ADARB2: variants seen among roughly 807,000 people sequenced by gnomAD.
ADARB2 encodes the protein adenosine deaminase RNA specific B2 (inactive), also known as inactive double-stranded RNA-specific editase B2.
Under a neutral mutation model 62.2 loss-of-function variants are expected in ADARB2, and 25 were observed. That is an observed-to-expected ratio of 0.40 (90% CI 0.29 to 0.56). The LOEUF (loss-of-function observed/expected upper bound fraction) is 0.56, where lower values mean the gene tolerates loss of function less well. ADARB2 is among the 20% of genes least tolerant of loss of function. The probability of loss-of-function intolerance (pLI) is 0.43; values close to 1 mark genes in which losing one functional copy is unlikely to be tolerated. For synonymous variants in ADARB2, 572 were observed against 500.8 expected (o/e 1.14, Z -1.90); for missense variants, 1,071 against 1,077.4 (o/e 0.99, Z 0.08).
chr10:1,428,550 G>A (rs1415767938), intron 1 of ADARB2, among the ~76,000 whole-genome samples: 1 of 151,746 alleles, frequency 6.6e-6, no homozygotes, highest in Non-Finnish European at 1.5e-5. Context: ...GCCTCCTAAA[G>A]TGCTGGGATT....
chr10:1,566,063 C>CAAAAAAAAAAAAAAAAAAAAAAA, intron 1 of ADARB2, among the ~76,000 whole-genome samples: 1 of 128,042 alleles, frequency 7.8e-6, no homozygotes, highest in African/African-American at 3.0e-5. Context: ...CTCAGTCTAG[C>CAAAAAAAAAAAAAAAAAAAAAAA]AAAAAAAAAA....
intron 3 of ADARB2, among the ~76,000 whole-genome samples, chr10:1,273,228 A>C (rs1831280844): frequency 6.6e-6 from 1 of 152,090 alleles, no homozygotes; most frequent in Admixed American, 6.5e-5. Flanking sequence ...TTACTCTTTC[A>C]ATGCATGCTG....
intron 1 of ADARB2, among the ~76,000 whole-genome samples, chr10:1,708,513 GACA>G (rs914151108): frequency 6.6e-5 from 10 of 152,200 alleles, no homozygotes; most frequent in African/African-American, 2.4e-4. Flanking sequence ...TGTGCTGGCA[GACA>G]ACAAGACACA....
intron 1 of ADARB2, among the ~76,000 whole-genome samples, chr10:1,442,541 T>C (rs1830919058): frequency 6.6e-6 from 1 of 152,296 alleles, no homozygotes; most frequent in African/African-American, 2.4e-5. Context: ...TAATAGCTAC[T>C]CTCTCAGTTC....
At chr10:1,357,625 C>T (rs571755491) in intron 3 of ADARB2, among the ~76,000 whole-genome samples, 36 of 152,324 alleles carry the variant, frequency 2.4e-4, no homozygotes, top group African/African-American at 8.4e-4. Flanking sequence ...AATGTCTTCC[C>T]TTAATCTAGA....
intron 7 of ADARB2, among the ~76,000 whole-genome samples, chr10:1,215,262 A>T (rs1382278797): frequency 1.3e-5 from 2 of 152,242 alleles, no homozygotes; most frequent in Admixed American, 6.5e-5. Context: ...TGCCTGCCCC[A>T]TGGGCATCTG....
chr10:1,639,799 G>A (rs1404522731), intron 1 of ADARB2, among the ~76,000 whole-genome samples: 1 of 152,180 alleles, frequency 6.6e-6, no homozygotes, highest in Non-Finnish European at 1.5e-5. Flanking sequence ...CGGAGATCAT[G>A]CCACTGCACT....
chr10:1,689,976 G>C (rs570320533), intron 1 of ADARB2, among the ~76,000 whole-genome samples: 1 of 152,018 alleles, frequency 6.6e-6, no homozygotes, highest in Non-Finnish European at 1.5e-5. Flanking sequence ...GAAATGTGGG[G>C]TTTTTTTGTT....
intron 6 of ADARB2, among the ~76,000 whole-genome samples, chr10:1,228,696 C>T (rs1455044627): frequency 3.3e-5 from 5 of 152,210 alleles, no homozygotes; most frequent in Non-Finnish European, 5.9e-5. Context: ...ACTGAGTCTG[C>T]GGTCTCTGTC....
intron 1 of ADARB2, among the ~76,000 whole-genome samples, chr10:1,696,150 G>GTGTA (rs10661822): frequency 0.79 from 119,838 of 152,060 alleles, 47,330 homozygotes; most frequent in Admixed American, 0.84. Context: ...TGTATATTGT[G>GTGTA]TGTATGTGTT....
chr10:1,200,366 C>T, intron 7 of ADARB2: 1 of 611,658 alleles, frequency 1.6e-6, no homozygotes, highest in Non-Finnish European at 3.0e-6. Flanking sequence ...TGTGTGCTAA[C>T]AAATGCTGCT....
chr10:1,494,225 A>C (rs558119404), intron 1 of ADARB2, among the ~76,000 whole-genome samples: 1 of 152,294 alleles, frequency 6.6e-6, no homozygotes, highest in Non-Finnish European at 1.5e-5. Flanking sequence ...TTCTCCTATA[A>C]ATAGACTTTA....
At chr10:1,558,748 C>A in intron 1 of ADARB2, among the ~76,000 whole-genome samples, 1 of 149,914 alleles carries the variant, frequency 6.7e-6, no homozygotes, top group Non-Finnish European at 1.5e-5. Flanking sequence ...AAACTCGAAT[C>A]CCACCTCCGC....
At chr10:1,633,838 C>T (rs1025787568) in intron 1 of ADARB2, among the ~76,000 whole-genome samples, 5 of 152,144 alleles carry the variant, frequency 3.3e-5, no homozygotes, top group African/African-American at 9.7e-5. Context: ...TCCAGGCCCC[C>T]GACTCTGACC....
At chr10:1,210,501 C>A (rs1166661353) in intron 7 of ADARB2, among the ~76,000 whole-genome samples, 1 of 152,206 alleles carries the variant, frequency 6.6e-6, no homozygotes, top group Admixed American at 6.5e-5. Context: ...GAGCAGCACA[C>A]ATACCTCTGG....
At chr10:1,519,895 T>A (rs1832052667) in intron 1 of ADARB2, among the ~76,000 whole-genome samples, 1 of 152,172 alleles carries the variant, frequency 6.6e-6, no homozygotes, top group African/African-American at 2.4e-5. Context: ...CATAGAGTAT[T>A]CAAATAATTG....
At chr10:1,505,988 G>A (rs1004997432) in intron 1 of ADARB2, among the ~76,000 whole-genome samples, 3 of 151,960 alleles carry the variant, frequency 2.0e-5, no homozygotes, top group Admixed American at 1.3e-4. Flanking sequence ...TCATCTAATC[G>A]TTTCTGGTTG....
At chr10:1,498,893 C>T (rs139520651) in intron 1 of ADARB2, among the ~76,000 whole-genome samples, 137 of 152,058 alleles carry the variant, frequency 9.0e-4, no homozygotes, top group African/African-American at 3.2e-3. Context: ...TCATTCATCA[C>T]TCAACACTCA....
At chr10:1,305,422 C>T (rs1334376729) in intron 3 of ADARB2, among the ~76,000 whole-genome samples, 1 of 151,234 alleles carries the variant, frequency 6.6e-6, no homozygotes, top group Non-Finnish European at 1.5e-5. Context: ...AGTTTACCAA[C>T]CAAAAAGAGT....
Sources: allele counts gnomAD v4.1 joint callset (sites outside exome capture counted in the v4.1 genomes callset), GRCh38; gene constraint gnomAD v4.1.1; transcripts MANE v1.5; gene names NCBI Gene and HGNC (gene_info 2026-07-23, HGNC 2026-07-21).